Variants in IL5RA observed in about 807,000 individuals in gnomAD.
IL5RA encodes the protein interleukin 5 receptor subunit alpha.
Under a neutral mutation model 50.0 loss-of-function variants are expected in IL5RA, and 49 were observed. The observed-to-expected ratio is 0.98, with a 90% CI of 0.78 to 1.24. The LOEUF is 1.24. Ranked by LOEUF, IL5RA falls within the 50% of genes most tolerant of loss-of-function variation. The probability of loss-of-function intolerance (pLI) is 0.00; values close to 1 mark genes in which losing one functional copy is unlikely to be tolerated. For missense variants in IL5RA, 600 were observed against 500.4 expected (o/e 1.20, Z -1.90); for synonymous variants, 202 against 174.0 (o/e 1.16, Z -1.26).
intron 11 of IL5RA, among the ~76,000 whole-genome samples, chr3:3,073,010 G>A (rs1702352723): frequency 6.6e-6 from 1 of 152,146 alleles, no homozygotes; most frequent in Non-Finnish European, 1.5e-5. Context: ...GCTCCACCCT[G>A]GGGCCCACTC....
intron 9 of IL5RA, among the ~76,000 whole-genome samples, chr3:3,077,396 C>T (rs1574978231): frequency 2.0e-5 from 3 of 152,308 alleles, no homozygotes; most frequent in African/African-American, 4.8e-5. Context: ...TGGTGTGCTG[C>T]ACCCATTAAC....
intron 7 of IL5RA, among the ~76,000 whole-genome samples, chr3:3,097,594 C>T (rs1703421827): frequency 6.6e-6 from 1 of 151,848 alleles, no homozygotes. Flanking sequence ...AGCTCAAGGA[C>T]AGAGGGGCAT....
chr3:3,102,551 G>T, intron 4 of IL5RA, 124 bp downstream of exon 4: 1 of 648,360 alleles, frequency 1.5e-6, no homozygotes. Flanking sequence ...TATTCTACTG[G>T]TAACATAACA....
intron 5 of IL5RA, among the ~76,000 whole-genome samples, chr3:3,098,555 G>A (rs1476518333): frequency 6.6e-6 from 1 of 152,066 alleles, no homozygotes; most frequent in Non-Finnish European, 1.5e-5. Flanking sequence ...TGACAGGTGT[G>A]TACCACCACA....
At chr3:3,101,094 G>C (rs145454053) in intron 5 of IL5RA, among the ~76,000 whole-genome samples, 2 of 151,236 alleles carry the variant, frequency 1.3e-5, no homozygotes, top group Middle Eastern at 3.5e-3. Context: ...CATGAGAACC[G>C]CTTGAACCCA....
Position 3,096,035 on chromosome 3 carries a change from T to G in IL5RA, c.710-591A>C, listed in dbSNP as rs190039993. The stretch of plus-strand genomic sequence containing the variant: ...GGCTCACGCCTGTAATCCCAGCACT[T>G]TGGGAGGCCGAGGCGGGTGGATCAC... On this transcript the variant is annotated intron_variant, in intron 7 of 11. Transcript: ENST00000446632. 1.7e-3 allele frequency among the ~76,000 whole-genome samples: 266 copies of G among 152,258 alleles called. 1 individual carries two copies. The highest frequency in any genetic ancestry group is 0.01 in the Middle Eastern group (3 of 294).
At chr3:3,107,373 C>T (rs1325232019) in intron 2 of IL5RA, among the ~76,000 whole-genome samples, 3 of 68,022 alleles carry the variant, frequency 4.4e-5, no homozygotes, top group Non-Finnish European at 9.0e-5. Context: ...ACTTCTTGTC[C>T]CTGCTTAAAA....
At chr3:3,084,241 A>G (rs1163858556) in intron 9 of IL5RA, among the ~76,000 whole-genome samples, 1 of 152,186 alleles carries the variant, frequency 6.6e-6, no homozygotes, top group African/African-American at 2.4e-5. Context: ...ATTACTTACT[A>G]TAATTACGAT....
chr3:3,072,935 T>TA (rs1702350406), intron 11 of IL5RA, among the ~76,000 whole-genome samples: 1 of 152,072 alleles, frequency 6.6e-6, no homozygotes, highest in Admixed American at 6.6e-5. Flanking sequence ...CAGATGTGGT[T>TA]ACTCAGGGGT....
At chr3:3,107,249 A>ATTT (rs5846243) in intron 2 of IL5RA, among the ~76,000 whole-genome samples, 4 of 148,440 alleles carry the variant, frequency 2.7e-5, no homozygotes, top group Admixed American at 6.7e-5. Flanking sequence ...AAAGAATGAC[A>ATTT]TTTTTTTTTT....
At position 3,097,969 on chromosome 3, in the gene IL5RA, G is replaced by C; in HGVS notation, c.610C>G (p.Leu204Val). The change falls in exon 7 of 12, where the codon CTC becomes GTC. Residue 204 changes from leucine (L) to valine (V), a missense_variant. Leu to Val is a conservative substitution (Grantham distance 32). Coordinates refer to ENST00000446632, the MANE Select transcript of IL5RA (RefSeq NM_175726.4). The part of the protein sequence containing the change: ...IACWFPRTFI[L>V]SKGRDWLAVL... ...GCAAGCCAGTCACGCCCTTTGCTGA[G>C]GATAAAAGTCCTGGGAAACCAGCAT... is the stretch of plus-strand genomic sequence containing the variant. 6.2e-7 allele frequency: 1 copy of C among 1,614,192 alleles called. No individual in the cohort carries two copies. Among genetic ancestry groups the C allele is most frequent in the Non-Finnish European group, 8.5e-7 (1 of 1,180,042 alleles).
At position 3,095,545 on chromosome 3, in the gene IL5RA, C is replaced by T. The variant is rs182169253; in HGVS notation, c.710-101G>A. On this transcript the variant is annotated intron_variant, in intron 7 of 11. Transcript: ENST00000446632. ...CACTTCTCAAGGCATTTCTAAGATA[C>T]GCTTTTTTCAAATATTTACCATCAG... 4.0e-3 allele frequency: 3,928 copies of T among 983,866 alleles called. 182 individuals are homozygous for T. The Admixed American group carries it at 0.075, about 19-fold the overall frequency. 60.9% of individuals were successfully genotyped at this position (983,866 alleles called of 1,614,324 possible).
chr3:3,092,205 A>G lies in IL5RA; in HGVS notation c.994+19T>C, dbSNP rs1703148759. The G allele has an allele frequency of 6.2e-7, 1 of 1,606,168 alleles. No homozygotes were observed. The highest frequency in any genetic ancestry group is 8.5e-7 in the Non-Finnish European group (1 of 1,177,562). The stretch of plus-strand genomic sequence containing the variant: ...TCACAAGGAAGGCTGCCAATGTAAA[A>G]TAAACATAAGCTACTTACCCACATA... On this transcript the variant is annotated intron_variant, in intron 9 of 11. Transcript: ENST00000446632. This position sits in a 1 kb window ranked among gnomAD's most constrained non-coding sequence, Gnocchi z 4.2.
At chr3:3,095,553 T>A (rs1288234346) in intron 7 of IL5RA, 109 bp from the exon 8 acceptor site, 1 of 921,788 alleles carries the variant, frequency 1.1e-6, no homozygotes, top group Admixed American at 2.5e-5. Flanking sequence ...TACGCTTTTT[T>A]CAAATATTTA....
chr3:3,078,106 A>G (rs1399799331), intron 9 of IL5RA, among the ~76,000 whole-genome samples: 2 of 152,196 alleles, frequency 1.3e-5, no homozygotes, highest in African/African-American at 4.8e-5. Flanking sequence ...TGATTTAATG[A>G]CGAGCGTGCT....
chr3:3,078,837 A>G (rs1574979795), intron 9 of IL5RA, among the ~76,000 whole-genome samples: 1 of 40,526 alleles, frequency 2.5e-5, no homozygotes, highest in Non-Finnish European at 4.1e-5. Context: ...TCCGTCTCAA[A>G]AAAAAAAAAA....
chr3:3,092,924 A>G lies in IL5RA; in HGVS notation c.856-562T>C, dbSNP rs1209094909. ...TACTCCAGCCCTGTGACCATTGCCT[A>G]TTTTAGCTCTTATTATCTTTTGCTT... On this transcript the variant is annotated intron_variant, in intron 8 of 11. Coordinates refer to ENST00000446632, the MANE Select transcript of IL5RA (RefSeq NM_175726.4). This position sits in a 1 kb window ranked among gnomAD's most constrained non-coding sequence, Gnocchi z 4.2. 1.3e-5 allele frequency among the ~76,000 whole-genome samples: 2 copies of G among 151,892 alleles called. No individual in the cohort carries two copies. The highest frequency in any genetic ancestry group is 2.9e-5 in the Non-Finnish European group (2 of 67,990).
At chr3:3,094,683 T>C (rs1309203381) in intron 8 of IL5RA, among the ~76,000 whole-genome samples, 1 of 152,204 alleles carries the variant, frequency 6.6e-6, no homozygotes, top group Non-Finnish European at 1.5e-5. Flanking sequence ...GAATTCATCA[T>C]ATCGTTTTTA....
In IL5RA at chr3:3,102,817, G is replaced by A. The variant is rs760458257; in HGVS notation, c.86C>T (p.Ser29Leu). 5 of 1,599,082 alleles carry A rather than the reference G, an allele frequency of 3.1e-6. No homozygotes were observed. In the South Asian group the frequency reaches 3.4e-5, roughly 11 times the overall value. Reference sequence around the variant, plus strand: ...GGTGAAATTGACAGGTGGGAGAAGTGAAACTGTTGATTCAAAGAATAAAGA... The same window carrying A: ...GGTGAAATTGACAGGTGGGAGAAGTAAAACTGTTGATTCAAAGAATAAAGA... Reference protein sequence around the residue: ...QADLLPDEKISLLPPVNFTIK... With the variant: ...QADLLPDEKILLLPPVNFTIK... Residue 29 changes from serine (S) to leucine (L), a missense_variant, in exon 4 of 12, where the codon TCA becomes TTA. Ser to Leu is a moderately radical substitution (Grantham distance 145, BLOSUM62 -2). Coordinates refer to ENST00000446632, the MANE Select transcript of IL5RA (RefSeq NM_175726.4).
Sources: gnomAD v4.1 joint callset for allele counts (sites outside exome capture counted in the v4.1 genomes callset) on GRCh38, gnomAD v4.1.1 for gene constraint, Gnocchi (gnomAD v3.1) non-coding constraint, MANE v1.5 for transcripts, NCBI Gene and HGNC (gene_info 2026-07-23, HGNC 2026-07-21) for gene names.